TBL1X: variants seen among roughly 807,000 people sequenced by gnomAD.
The protein encoded by TBL1X is transducin beta like 1 X-linked, also known as F-box-like/WD repeat-containing protein TBL1X.
In TBL1X, 10 loss-of-function variants were observed where a neutral mutation model predicts 50.7. That is an observed-to-expected ratio of 0.20 (90% CI 0.12 to 0.33). TBL1X has a LOEUF of 0.33. Ranked by LOEUF, TBL1X falls within the 10% of genes least tolerant of loss-of-function variation. TBL1X has a pLI of 1.00. For missense variants in TBL1X, 340 were observed against 504.4 expected (o/e 0.67, Z 3.12); for synonymous variants, 190 against 214.7 (o/e 0.88, Z 1.01).
rs2083269624 is a variant in TBL1X, at chrX:9,714,989, G to A, written c.1693G>A (p.Ala565Thr). Residue 565 changes from alanine (A) to threonine (T), a missense_variant, in exon 17 of 18, where the codon GCG becomes ACG. By Grantham distance (58) the Ala-to-Thr change is moderately conservative. Around this residue, in one of 6 missense-constraint regions of TBL1X, gnomAD observed 170 missense variants for 272.6 expected, o/e 0.62. Coordinates refer to ENST00000645353, the MANE Select transcript of TBL1X (RefSeq NM_005647.4). ...CCGAGGAGACAAAGTGGGTGCCAGC[G>A]CGTCCGACGGCTCTGTAAGCAACAC... Reference protein sequence around the residue: ...NARGDKVGASASDGSVCVLDL... With the variant: ...NARGDKVGASTSDGSVCVLDL... The A allele has an allele frequency of 2.5e-6, 3 of 1,208,653 alleles. No individual in the cohort carries two copies. The highest frequency in any genetic ancestry group is 2.2e-5 in the Admixed American group (1 of 45,700).
At chrX:9,552,890 C>T (rs1181704515) in intron 2 of TBL1X, among the ~76,000 whole-genome samples, 1 of 111,887 alleles carries the variant, frequency 8.9e-6, no homozygotes, top group African/African-American at 3.3e-5. Flanking sequence ...TGCCTGTAAT[C>T]CCAGCACTTG....
At chrX:9,678,624 A>G (rs2083008157) in intron 5 of TBL1X, among the ~76,000 whole-genome samples, 1 of 112,707 alleles carries the variant, frequency 8.9e-6, no homozygotes, top group South Asian at 3.7e-4. Flanking sequence ...AAGATGCAAA[A>G]CCAACTCCAC....
intron 2 of TBL1X, among the ~76,000 whole-genome samples, chrX:9,579,237 C>A (rs781378601): frequency 8.9e-6 from 1 of 112,163 alleles, no homozygotes; most frequent in Non-Finnish European, 1.9e-5. Flanking sequence ...ACTGTAACAG[C>A]TGAAATACCC....
intron 2 of TBL1X, among the ~76,000 whole-genome samples, chrX:9,635,790 C>T (rs189189767): frequency 8.4e-4 from 94 of 112,061 alleles, no homozygotes; most frequent in Admixed American, 3.6e-3. Flanking sequence ...CCTTTCATTC[C>T]TGGGTAGGAG....
chrX:9,716,167 A>G (rs2083277153), intron 17 of TBL1X, 53 bp from the exon 18 acceptor site: 2 of 1,187,566 alleles, frequency 1.7e-6, no homozygotes, highest in Non-Finnish European at 2.3e-6. Context: ...CTCACTCTAA[A>G]GGCATCTTTG....
At chrX:9,562,258 T>C (rs1019543598) in intron 2 of TBL1X, among the ~76,000 whole-genome samples, 5 of 112,604 alleles carry the variant, frequency 4.4e-5, no homozygotes, top group Non-Finnish European at 7.5e-5. Flanking sequence ...CTTAATACTT[T>C]AATGTATCAT....
In TBL1X at chrX:9,688,032, G is replaced by A. The variant is rs959379009; in HGVS notation, c.373G>A (p.Asp125Asn). The A allele has an allele frequency of 3.3e-6, 4 of 1,205,346 alleles. No homozygotes were observed. The highest frequency in any genetic ancestry group is 4.5e-6 in the Non-Finnish European group (4 of 892,601). ...ISINEDGTVF[D>N]GRPIESLSLI... ...GCTTCCCCAGGATGGCACAGTGTTC[G>A]ACGGCCGCCCCATAGAGTCCCTGTC... Residue 125 changes from aspartate (D) to asparagine (N), a missense_variant, in exon 7 of 18, where the codon GAC becomes AAC. Physicochemically the swap from Asp to Asn is conservative, Grantham distance 23. This residue lies in a region of TBL1X where 24 missense variants were observed against 44.1 expected (regional missense o/e 0.54). Coordinates refer to ENST00000645353, the MANE Select transcript of TBL1X (RefSeq NM_005647.4).
Position 9,688,139 on chromosome X carries a change from T to TGCGGCGGCGGCG in TBL1X, c.486_497dup (p.Ala165_Ala168dup). On this transcript the variant is annotated inframe_insertion, in exon 7 of 18. Transcript: ENST00000645353. The stretch of plus-strand genomic sequence containing the variant: ...AGAAGCTCGCTCAGCAGCAAGCCAG[T>TGCGGCGGCGGCG]GCGGCGGCGGCGGCGGCTGCGGCCA... 1 of 1,203,079 alleles carries TGCGGCGGCGGCG rather than the reference T, an allele frequency of 8.3e-7. No individual in the cohort carries two copies. Among genetic ancestry groups the TGCGGCGGCGGCG allele is most frequent in the East Asian group, 3.0e-5 (1 of 33,366 alleles).
intron 11 of TBL1X, among the ~76,000 whole-genome samples, chrX:9,696,791 C>CTA (rs758349496): frequency 2.7e-5 from 3 of 112,669 alleles, no homozygotes; most frequent in Non-Finnish European, 3.8e-5. Context: ...GGAGGAATTC[C>CTA]TACCAATTTT....
chrX:9,515,572 A>C (rs759760651), intron 2 of TBL1X, among the ~76,000 whole-genome samples: 5 of 112,179 alleles, frequency 4.5e-5, no homozygotes, highest in Non-Finnish European at 9.4e-5. Flanking sequence ...TGCACTGGTC[A>C]AGAATTCAGC....
chrX:9,689,725 G>GC (rs1478587820), intron 7 of TBL1X, among the ~76,000 whole-genome samples: 3 of 112,706 alleles, frequency 2.7e-5, no homozygotes, highest in Admixed American at 9.3e-5. Flanking sequence ...GAGTTACCAG[G>GC]CCCCCTGCCA....
At chrX:9,681,495 G>C (rs2083025286) in intron 5 of TBL1X, among the ~76,000 whole-genome samples, 1 of 112,643 alleles carries the variant, frequency 8.9e-6, no homozygotes, top group Non-Finnish European at 1.9e-5. Flanking sequence ...GTAGTGGACA[G>C]AGTGCCCAGG....
chrX:9,661,207 A>G (rs2082896599), intron 5 of TBL1X, among the ~76,000 whole-genome samples: 1 of 112,647 alleles, frequency 8.9e-6, no homozygotes, highest in African/African-American at 3.2e-5. Flanking sequence ...ACTTAGTGAC[A>G]TTTGTCATTC....
intron 2 of TBL1X, among the ~76,000 whole-genome samples, chrX:9,634,234 C>T (rs7050735): frequency 0.034 from 3,709 of 110,585 alleles, 152 homozygotes; most frequent in African/African-American, 0.11. Context: ...TGCAAGCATT[C>T]ACACCCCAGC....
chrX:9,480,080 G>T (rs1257840759), intron 1 of TBL1X, among the ~76,000 whole-genome samples: 1 of 109,900 alleles, frequency 9.1e-6, no homozygotes, highest in African/African-American at 3.3e-5. Flanking sequence ...CCTCCCCCCG[G>T]CGTAGCTGAG....
chrX:9,601,833 G>A (rs922586874), intron 2 of TBL1X, among the ~76,000 whole-genome samples: 1 of 112,024 alleles, frequency 8.9e-6, no homozygotes, highest in African/African-American at 3.2e-5. Context: ...TTTGAGGCCA[G>A]GAGTTCAAGA....
At chrX:9,631,538 A>G (rs1157449371) in intron 2 of TBL1X, among the ~76,000 whole-genome samples, 2 of 111,832 alleles carry the variant, frequency 1.8e-5, no homozygotes, top group African/African-American at 6.5e-5. Flanking sequence ...AGTGTTGACA[A>G]TTTTCATGTT....
chrX:9,659,644 G>C (rs2082885754), intron 5 of TBL1X, among the ~76,000 whole-genome samples: 1 of 111,869 alleles, frequency 8.9e-6, no homozygotes, highest in Non-Finnish European at 1.9e-5. Context: ...TGGGGTTGCT[G>C]GGTCGTGTGA....
chrX:9,580,558 G>T lies in TBL1X; in HGVS notation c.-130-59715G>T, dbSNP rs1480804764. Among the ~76,000 whole-genome samples the T allele has an allele frequency of 2.7e-5, 3 of 111,619 alleles. No individual in the cohort carries two copies. The East Asian group carries it at 8.5e-4, about 32-fold the overall frequency. ...GTTTGCTCTGAGCAGTTCCCAGCTG[G>T]ATTTTCCCTTTAACTTAGTGATTTG... On this transcript the variant is annotated intron_variant, in intron 2 of 17. Coordinates refer to ENST00000645353, the MANE Select transcript of TBL1X (RefSeq NM_005647.4).
Sources: gnomAD v4.1 joint callset for allele counts (sites outside exome capture counted in the v4.1 genomes callset) on GRCh38, gnomAD v4.1.1 for gene constraint, gnomAD v4.1.1 regional missense constraint, MANE v1.5 for transcripts, NCBI Gene and HGNC (gene_info 2026-07-23, HGNC 2026-07-21) for gene names.